The following ATP6V1G1 variants were observed in gnomAD, a reference collection of about 807,000 sequenced individuals.
ATP6V1G1 encodes ATPase H+ transporting V1 subunit G1.
A neutral mutation model predicts 14.2 loss-of-function variants in ATP6V1G1; 14 were observed. The observed-to-expected ratio is 0.99, with a 90% CI of 0.65 to 1.55. ATP6V1G1 has a LOEUF of 1.55. Among genes scored for constraint, ATP6V1G1 ranks in the 40% most tolerant of loss-of-function variants. The pLI, the probability that ATP6V1G1 is intolerant of heterozygous loss-of-function variation, is 0.00. For synonymous variants in ATP6V1G1, 65 were observed against 53.3 expected, an observed-to-expected ratio of 1.22 and a Z score of -0.96; for missense variants, 137 against 146.4, an observed-to-expected ratio of 0.94 and a Z score of 0.33.
In ATP6V1G1 at chr9:114,591,489, G is replaced by A. The variant is rs145248600; in HGVS notation, c.83-1063G>A. On this transcript the variant is annotated intron_variant, in intron 1 of 2. Transcript: ENST00000374050. ...GTGAAGGATTGGGGTACAGGTGGCC[G>A]AAGCAGACAGTAGTAGGCCAGAAAT... Among the ~76,000 whole-genome samples, 147 of 152,314 alleles carry A rather than the reference G, an allele frequency of 9.7e-4. 3 individuals carry two copies. Among genetic ancestry groups the A allele is most frequent in the African/African-American group, 3.5e-3 (144 of 41,572 alleles).
chr9:114,592,611 C>T lies in ATP6V1G1; in HGVS notation c.142C>T (p.Arg48Cys), dbSNP rs150139392. Residue 48 changes from arginine (R) to cysteine (C), a missense_variant, in exon 2 of 3, where the codon CGC (arginine) becomes TGC (cysteine). Coordinates refer to ENST00000374050, the MANE Select transcript of ATP6V1G1 (RefSeq NM_004888.4). ...EEAQAEIEQY[R>C]LQREKEFKAK... The stretch of plus-strand genomic sequence containing the variant: ...AGCTCAGGCTGAAATTGAACAGTAC[C>T]GCCTGCAGAGGGAGAAAGAATTCAA... The T allele has an allele frequency of 4.2e-5, 67 of 1,578,092 alleles. No individual in the cohort carries two copies. The Middle Eastern group carries it at 1.1e-3, about 25-fold the overall frequency.
chr9:114,589,552 G>A (rs1354361226), intron 1 of ATP6V1G1, among the ~76,000 whole-genome samples: 2 of 152,148 alleles, frequency 1.3e-5, no homozygotes, highest in Non-Finnish European at 2.9e-5. Flanking sequence ...GGGTTGTGTG[G>A]TACTTGGAAA....
Position 114,594,494 on chromosome 9 carries a change from C to T in ATP6V1G1, c.183+1842C>T, listed in dbSNP as rs146395808. ...CACCTCCCAGGTTCAAATGATTCTC[C>T]TGCCTCAGCCTCCCAAGTAGCTGAG... On this transcript the variant is annotated intron_variant, in intron 2 of 2. Coordinates refer to ENST00000374050, the MANE Select transcript of ATP6V1G1 (RefSeq NM_004888.4). Among the ~76,000 whole-genome samples the T allele has an allele frequency of 6.9e-3, 1,049 of 152,058 alleles. 11 individuals carry two copies. Among genetic ancestry groups the T allele is most frequent in the African/African-American group, 0.024 (1,010 of 41,484 alleles).
chr9:114,592,756 A>G (rs1051535026), intron 2 of ATP6V1G1, 104 bp downstream of exon 2: 1 of 1,199,768 alleles, frequency 8.3e-7, no homozygotes, highest in Non-Finnish European at 1.2e-6. Flanking sequence ...TCGAAGTTTG[A>G]AAATGTGGTA....
chr9:114,597,090 A>C (rs1269931026), intron 2 of ATP6V1G1, among the ~76,000 whole-genome samples: 1 of 143,114 alleles, frequency 7.0e-6, no homozygotes, highest in African/African-American at 2.6e-5. Flanking sequence ...TCCCGGGTTC[A>C]CGCCATTCTC....
chr9:114,597,457 C>T lies in ATP6V1G1; in HGVS notation c.184-113C>T, dbSNP rs2133561445. ...GTCATATTGCCAGCTTCTGAGTATA[C>T]TGATAGGTGAGCCTGGGTTTCTCCA... On this transcript the variant is annotated intron_variant, in intron 2 of 2. Transcript: ENST00000374050. 2.7e-6 allele frequency: 3 copies of T among 1,121,676 alleles called. No homozygotes were observed. In the South Asian group the frequency reaches 7.5e-5, roughly 28 times the overall value. 69.5% of individuals were successfully genotyped at this position (1,121,676 alleles called of 1,614,324 possible). A position where few individuals can be genotyped will look rare whatever the true frequency, so the allele number is the denominator to read the frequency against.
In ATP6V1G1 at chr9:114,597,564, C is replaced by T; in HGVS notation, c.184-6C>T. 6.7e-7 allele frequency: 1 copy of T among 1,494,102 alleles called. No individual in the cohort carries two copies. Among genetic ancestry groups the T allele is most frequent in the Non-Finnish European group, 8.9e-7 (1 of 1,121,422 alleles). 92.6% of individuals were successfully genotyped at this position (1,494,102 alleles called of 1,614,324 possible). A position where few individuals can be genotyped will look rare whatever the true frequency, so the allele number is the denominator to read the frequency against. On this transcript the variant is annotated splice_polypyrimidine_tract_variant and splice_region_variant and intron_variant, in intron 2 of 2. Transcript: ENST00000374050. ...ATCCCTCCGTGACATCACTCCCCAT[C>T]TCCAGGCATTGGGATCCCGTGGCAG...
rs141395465 is a variant in ATP6V1G1 at position 114,597,641 on chromosome 9, G to A, written c.255G>A (p.Gln85=). ...CCCAGGAGAAGATGACCATCCTCCA[G>A]ACATACTTCCGGCAGAACAGGGATG... ...KETQEKMTIL[Q]TYFRQNRDEV... is the part of the protein sequence containing the mutation. The change falls in exon 3 of 3, where the codon CAG becomes CAA. Residue 85 remains glutamine (Q), a synonymous_variant. Coordinates refer to ENST00000374050, the MANE Select transcript of ATP6V1G1 (RefSeq NM_004888.4). The A allele has an allele frequency of 1.3e-6, 2 of 1,589,860 alleles. No individual in the cohort carries two copies. Among genetic ancestry groups the A allele is most frequent in the South Asian group, 2.3e-5 (2 of 87,346 alleles).
rs1234468058 is a variant in ATP6V1G1 at position 114,598,676 on chromosome 9, C to T, written c.*933C>T. On this transcript the variant is annotated 3_prime_UTR_variant, in exon 3 of 3. Coordinates refer to ENST00000374050, the MANE Select transcript of ATP6V1G1 (RefSeq NM_004888.4). The stretch of plus-strand genomic sequence containing the variant: ...CTGGGGCAAGTTATTAAGCATATTT[C>T]CTTCCTGGTGGGCTAGATGATGTGC... Among the ~76,000 whole-genome samples the T allele has an allele frequency of 1.3e-5, 2 of 152,188 alleles. No individual in the cohort carries two copies. Among genetic ancestry groups the T allele is most frequent in the East Asian group, 1.9e-4 (1 of 5,198 alleles).
intron 2 of ATP6V1G1, among the ~76,000 whole-genome samples, chr9:114,593,733 A>G (rs981518543): frequency 3.3e-5 from 5 of 151,802 alleles, no homozygotes; most frequent in African/African-American, 4.8e-5. Context: ...TCCTGGCCTC[A>G]AGTGATCCTC....
rs1845259670 is a variant in ATP6V1G1, at chr9:114,598,057, A to T, written c.*314A>T. 1 of 65,398 alleles carries T rather than the reference A, an allele frequency of 1.5e-5. No homozygotes were observed. Among genetic ancestry groups the T allele is most frequent in the Non-Finnish European group, 3.2e-5 (1 of 31,478 alleles). 4.1% of individuals were successfully genotyped at this position (65,398 alleles called of 1,614,324 possible). On this transcript the variant is annotated 3_prime_UTR_variant, in exon 3 of 3. Coordinates refer to ENST00000374050, the MANE Select transcript of ATP6V1G1 (RefSeq NM_004888.4). Reference sequence around the variant, plus strand: ...CTTTTTCTTTCTTAGATCTAGTTTAAAAAAAAAAAAAACCACATAACAATT... The same window carrying T: ...CTTTTTCTTTCTTAGATCTAGTTTATAAAAAAAAAAAACCACATAACAATT...
intron 1 of ATP6V1G1, among the ~76,000 whole-genome samples, chr9:114,589,094 G>A (rs1845158589): frequency 6.6e-6 from 1 of 152,138 alleles, no homozygotes; most frequent in Non-Finnish European, 1.5e-5. Flanking sequence ...CTGACCCTTA[G>A]TCTTCCATCA....
rs1314772878 is a variant in ATP6V1G1 at position 114,596,982 on chromosome 9, G to GATTCTTTT, written c.184-587_184-580dup. On this transcript the variant is annotated intron_variant, in intron 2 of 2. Transcript: ENST00000374050. Reference sequence around the variant, plus strand: ...TATCTTTGGTTAAGGCTATATAGCAGATTCTTTTTTTTTTTTTTTTTTTTT... The same window carrying GATTCTTTT: ...TATCTTTGGTTAAGGCTATATAGCAGATTCTTTTATTCTTTTTTTTTTTTTTTTTTTTT... Among the ~76,000 whole-genome samples the GATTCTTTT allele has an allele frequency of 3.0e-3, 423 of 142,884 alleles. 20 individuals carry two copies. In the South Asian group the frequency reaches 0.059, roughly 20 times the overall value. 93.7% of individuals were successfully genotyped at this position (142,884 alleles called of 152,430 possible). A position where few individuals can be genotyped will look rare whatever the true frequency, so the allele number is the denominator to read the frequency against.
Position 114,590,260 on chromosome 9 carries a change from ATT to A in ATP6V1G1, c.83-2276_83-2275del, listed in dbSNP as rs71492788. 4.9e-3 allele frequency among the ~76,000 whole-genome samples: 637 copies of A among 129,510 alleles called. 4 individuals are homozygous for A. The highest frequency in any genetic ancestry group is 0.017 in the African/African-American group (588 of 34,724). The allele number at this position is 129,510 out of a possible 152,430, so 85.0% of individuals were successfully genotyped here. A position where few individuals can be genotyped will look rare whatever the true frequency, so the allele number is the denominator to read the frequency against. The stretch of plus-strand genomic sequence containing the variant: ...AGTTTATGGCTTACATACTTCTCAG[ATT>A]TTTTTTTTTTTTTTTGAGACAGAGT... On this transcript the variant is annotated intron_variant, in intron 1 of 2. Coordinates refer to ENST00000374050, the MANE Select transcript of ATP6V1G1 (RefSeq NM_004888.4).
intron 1 of ATP6V1G1, among the ~76,000 whole-genome samples, chr9:114,589,069 C>T (rs1040826581): frequency 1.3e-5 from 2 of 152,154 alleles, no homozygotes; most frequent in African/African-American, 4.8e-5. Flanking sequence ...TTCCAATTCT[C>T]CTCCCCTTTG....
At chr9:114,588,214 C>A in intron 1 of ATP6V1G1, 1 of 417,894 alleles carries the variant, frequency 2.4e-6, no homozygotes, top group Non-Finnish European at 4.3e-6. Flanking sequence ...TTCTTCTTCT[C>A]TCCCACTTAA....
At chr9:114,588,227 G>A in intron 1 of ATP6V1G1, 1 of 346,102 alleles carries the variant, frequency 2.9e-6, no homozygotes, top group Non-Finnish European at 5.3e-6. Context: ...CCACTTAACC[G>A]CTCTGGGGTG....
intron 1 of ATP6V1G1, among the ~76,000 whole-genome samples, chr9:114,588,830 AAAAT>A (rs1194875036): frequency 6.6e-6 from 1 of 152,190 alleles, no homozygotes; most frequent in Non-Finnish European, 1.5e-5. Flanking sequence ...GGTAAGGAAC[AAAAT>A]AAATAAATAA....
intron 1 of ATP6V1G1, chr9:114,588,199 C>G: frequency 2.2e-6 from 1 of 451,394 alleles, no homozygotes. Flanking sequence ...AAACGGAGCT[C>G]TTTGTTCTTC....
Sources: gnomAD v4.1 joint callset for allele counts (sites outside exome capture counted in the v4.1 genomes callset) on GRCh38, gnomAD v4.1.1 for gene constraint, MANE v1.5 for transcripts, NCBI Gene and HGNC (gene_info 2026-07-23, HGNC 2026-07-21) for gene names.